Variants in KLHDC1 observed in about 807,000 individuals in gnomAD.
KLHDC1 encodes the protein kelch domain containing 1.
In KLHDC1, 53 loss-of-function variants were observed where a neutral mutation model predicts 68.3. The ratio of observed to expected loss-of-function variants is 0.78; its 90% CI spans 0.62 to 0.98. KLHDC1 has a LOEUF of 0.98. KLHDC1 is among the 50% of genes least tolerant of loss of function. The pLI, the probability that KLHDC1 is intolerant of heterozygous loss-of-function variation, is 0.00. For missense variants in KLHDC1, 470 were observed against 492.3 expected, an observed-to-expected ratio of 0.95 and a Z score of 0.43; for synonymous variants, 148 against 159.0, an observed-to-expected ratio of 0.93 and a Z score of 0.52.
At chr14:49,695,862 A>G (rs1040174763) in intron 1 of KLHDC1, among the ~76,000 whole-genome samples, 3 of 152,162 alleles carry the variant, frequency 2.0e-5, no homozygotes, top group Non-Finnish European at 4.4e-5. Context: ...CAGGAGATCA[A>G]GACCATCCTG....
chr14:49,733,181 CCTTT>C (rs1267391317), intron 9 of KLHDC1, among the ~76,000 whole-genome samples: 2 of 152,098 alleles, frequency 1.3e-5, no homozygotes, highest in Non-Finnish European at 2.9e-5. Flanking sequence ...GGAAGAGCAG[CCTTT>C]CTTAGAAGGC....
intron 12 of KLHDC1, among the ~76,000 whole-genome samples, chr14:49,750,776 G>C (rs1889304537): frequency 6.6e-6 from 1 of 152,156 alleles, no homozygotes; most frequent in South Asian, 2.1e-4. Context: ...CATTGTACTT[G>C]GAAGGATACT....
intron 1 of KLHDC1, among the ~76,000 whole-genome samples, chr14:49,704,282 T>G (rs1457560695): frequency 6.6e-6 from 1 of 152,164 alleles, no homozygotes; most frequent in Non-Finnish European, 1.5e-5. Context: ...TCTGTTGGAT[T>G]ATTTGCTTTT....
At chr14:49,744,680 A>T (rs1279801872) in intron 12 of KLHDC1, among the ~76,000 whole-genome samples, 1 of 152,112 alleles carries the variant, frequency 6.6e-6, no homozygotes, top group Non-Finnish European at 1.5e-5. Context: ...AAATACTATG[A>T]AAATAATTGT....
chr14:49,717,042 A>G (rs537320416), intron 4 of KLHDC1, among the ~76,000 whole-genome samples: 11 of 152,344 alleles, frequency 7.2e-5, no homozygotes, highest in Admixed American at 2.0e-4. Flanking sequence ...GTTGTAGCAT[A>G]TAGCATTCCT....
chr14:49,727,034 C>G (rs185203078), intron 6 of KLHDC1, among the ~76,000 whole-genome samples: 2 of 151,704 alleles, frequency 1.3e-5, no homozygotes, highest in Admixed American at 1.3e-4. Flanking sequence ...TGCCTGAGCT[C>G]AGAAGTTCGA....
chr14:49,737,332 G>T (rs2139763096), intron 10 of KLHDC1, among the ~76,000 whole-genome samples: 1 of 152,248 alleles, frequency 6.6e-6, no homozygotes, highest in East Asian at 1.9e-4. Context: ...GGCCACAAGT[G>T]CATTTGTCAT....
At chr14:49,707,172 T>G (rs1400012546) in intron 1 of KLHDC1, among the ~76,000 whole-genome samples, 1 of 151,916 alleles carries the variant, frequency 6.6e-6, no homozygotes, top group Non-Finnish European at 1.5e-5. Flanking sequence ...TGGTGAAAGA[T>G]AGGAATCTAG....
chr14:49,740,198 A>T lies in KLHDC1; in HGVS notation c.981+16A>T. ...CTTGGATACAGTAAGAAAATCTTATATCTAAATATTTCCTCTGAGTAGTTG... is the reference window on the plus strand; with the variant it reads ...CTTGGATACAGTAAGAAAATCTTATTTCTAAATATTTCCTCTGAGTAGTTG... On this transcript the variant is annotated intron_variant, in intron 11 of 12. Coordinates refer to ENST00000359332, the MANE Select transcript of KLHDC1 (RefSeq NM_172193.3). The T allele has an allele frequency of 6.9e-7, 1 of 1,447,484 alleles. No homozygotes were observed. The highest frequency in any genetic ancestry group is 9.7e-7 in the Non-Finnish European group (1 of 1,033,940). 89.7% of individuals were successfully genotyped at this position (1,447,484 alleles called of 1,614,324 possible). A position where few individuals can be genotyped will look rare whatever the true frequency, so the allele number is the denominator to read the frequency against.
intron 4 of KLHDC1, among the ~76,000 whole-genome samples, chr14:49,711,004 G>GT (rs1426046897): frequency 2.2e-5 from 2 of 89,186 alleles, no homozygotes; most frequent in Non-Finnish European, 4.7e-5. Flanking sequence ...TTTGTTTTTT[G>GT]TTTTTTTGGA....
At chr14:49,733,005 T>G (rs542221397) in intron 9 of KLHDC1, among the ~76,000 whole-genome samples, 189 bp downstream of exon 9, 81 of 152,322 alleles carry the variant, frequency 5.3e-4, no homozygotes, top group African/African-American at 1.9e-3. Flanking sequence ...TCCCCTGTTT[T>G]CTAGGGAAAG....
intron 4 of KLHDC1, among the ~76,000 whole-genome samples, chr14:49,714,765 A>ATATAC (rs1253824563): frequency 2.6e-5 from 4 of 151,068 alleles, no homozygotes; most frequent in South Asian, 4.2e-4. Flanking sequence ...ACTCTGACTC[A>ATATAC]TATACTATAC....
intron 1 of KLHDC1, among the ~76,000 whole-genome samples, chr14:49,694,031 C>T (rs777266553): frequency 3.3e-5 from 5 of 151,984 alleles, no homozygotes; most frequent in Non-Finnish European, 5.9e-5. Flanking sequence ...GGATTACAGG[C>T]ATTAGCCACT....
chr14:49,702,168 C>CA (rs56298211), intron 1 of KLHDC1, among the ~76,000 whole-genome samples: 1,090 of 70,674 alleles, frequency 0.015, 8 homozygotes, highest in African/African-American at 0.041. Flanking sequence ...AATTCTGTCT[C>CA]AAAAAAAAAA....
Position 49,728,014 on chromosome 14 carries a change from T to C in KLHDC1, c.568-912T>C, listed in dbSNP as rs1397553702. ...TCATTCATCTACCCATGATACTCAC[T>C]TTTTCCACCAATTAAAAACCTCCCT... is the stretch of plus-strand genomic sequence containing the variant. On this transcript the variant is annotated intron_variant, in intron 6 of 12. Coordinates refer to ENST00000359332, the MANE Select transcript of KLHDC1 (RefSeq NM_172193.3). 3.3e-5 allele frequency among the ~76,000 whole-genome samples: 5 copies of C among 152,116 alleles called. No individual in the cohort carries two copies. In the East Asian group the frequency reaches 7.7e-4, roughly 23 times the overall value.
intron 4 of KLHDC1, among the ~76,000 whole-genome samples, chr14:49,715,850 TTAAA>T (rs945530372): frequency 1.3e-4 from 20 of 150,908 alleles, no homozygotes; most frequent in African/African-American, 4.6e-4. Context: ...TTGATTTTTA[TTAAA>T]TACTTTTTCT....
chr14:49,693,786 T>C (rs59579795), intron 1 of KLHDC1, among the ~76,000 whole-genome samples: 32,722 of 89,514 alleles, frequency 0.37, 12,635 homozygotes, highest in South Asian at 0.73. Flanking sequence ...TCGCTCTTGT[T>C]GCCCAGGGCT....
chr14:49,728,967 A>G lies in KLHDC1; in HGVS notation c.609A>G (p.Ala203=). The change falls in exon 7 of 13, where the codon GCA becomes GCG. Residue 203 remains alanine, a synonymous_variant. Transcript: ENST00000359332. ...PPQPRAAHTC[A]VLGNKGYIFG... is the part of the protein sequence containing the mutation. ...AGCCACGAGCCGCGCATACATGTGC[A>G]GTTCTTGGAAATAAGGGTTATATCT... 6.2e-7 allele frequency: 1 copy of G among 1,613,892 alleles called. No individual in the cohort carries two copies. Among genetic ancestry groups the G allele is most frequent in the Non-Finnish European group, 8.5e-7 (1 of 1,179,798 alleles).
intron 4 of KLHDC1, among the ~76,000 whole-genome samples, chr14:49,720,979 T>C (rs73280163): frequency 6.6e-6 from 1 of 152,184 alleles, no homozygotes; most frequent in Non-Finnish European, 1.5e-5. Flanking sequence ...AGTTCTTTTT[T>C]ATGGTTCTAT....
Sources: gnomAD v4.1 joint callset for allele counts (sites outside exome capture counted in the v4.1 genomes callset) on GRCh38, gnomAD v4.1.1 for gene constraint, MANE v1.5 for transcripts, NCBI Gene and HGNC (gene_info 2026-07-23, HGNC 2026-07-21) for gene names.